PDIA3: variants seen among roughly 807,000 people sequenced by gnomAD.
PDIA3 encodes protein disulfide isomerase family A member 3, also known as protein disulfide-isomerase A3.
Under a neutral mutation model 56.9 loss-of-function variants are expected in PDIA3, and 16 were observed. That is an observed-to-expected ratio of 0.28 (90% CI 0.19 to 0.43). PDIA3 has a LOEUF of 0.43. Ranked by LOEUF, PDIA3 falls within the 20% of genes least tolerant of loss-of-function variation. PDIA3 has a pLI of 1.00. For synonymous variants in PDIA3, 192 were observed against 216.5 expected, an observed-to-expected ratio of 0.89 and a Z score of 0.99; for missense variants, 485 against 621.3, an observed-to-expected ratio of 0.78 and a Z score of 2.33.
At chr15:43,769,479 T>G (rs755920777) in intron 9 of PDIA3, 39 bp from the exon 10 acceptor site, 1 of 1,600,578 alleles carries the variant, frequency 6.2e-7, no homozygotes, top group East Asian at 2.2e-5. Context: ...GAATTTATTT[T>G]TTTATGTTAC....
chr15:43,746,530 C>T lies in PDIA3; in HGVS notation c.-10C>T, dbSNP rs935801849. On this transcript the variant is annotated 5_prime_UTR_variant, in exon 1 of 13. Transcript: ENST00000300289. ...GACCCTTCCGGCCGTCCCCACCCCA[C>T]CTCGCCGCCATGCGCCTCCGCCGCC... 7 of 1,588,552 alleles carry T rather than the reference C, an allele frequency of 4.4e-6. No homozygotes were observed. Among genetic ancestry groups the T allele is most frequent in the Non-Finnish European group, 6.0e-6 (7 of 1,170,152 alleles).
intron 8 of PDIA3, among the ~76,000 whole-genome samples, chr15:43,767,930 C>G (rs1321809013): frequency 6.6e-6 from 1 of 152,074 alleles, no homozygotes; most frequent in Admixed American, 6.6e-5. Flanking sequence ...GCCTGGGCAA[C>G]ATAGCAAGAC....
chr15:43,756,782 T>G lies in PDIA3; in HGVS notation c.364+16T>G, dbSNP rs2086781003. The stretch of plus-strand genomic sequence containing the variant: ...AGGACTGCTGGTAAGGATCCTGAAT[T>G]ACATTCTGGAAACTGATGTTAAGTA... On this transcript the variant is annotated intron_variant, in intron 3 of 12. Coordinates refer to ENST00000300289, the MANE Select transcript of PDIA3 (RefSeq NM_005313.5). The G allele has an allele frequency of 1.5e-6, 2 of 1,307,812 alleles. No individual in the cohort carries two copies. The highest frequency in any genetic ancestry group is 2.2e-6 in the Non-Finnish European group (2 of 906,724). 81.0% of individuals were successfully genotyped at this position (1,307,812 alleles called of 1,614,324 possible).
Position 43,771,773 on chromosome 15 carries a change from C to T in PDIA3, c.*555C>T, listed in dbSNP as rs920495169. 1 of 397,408 alleles carries T rather than the reference C, an allele frequency of 2.5e-6. No homozygotes were observed. The highest frequency in any genetic ancestry group is 4.4e-6 in the Non-Finnish European group (1 of 225,944). The allele number at this position is 397,408 out of a possible 1,614,324, so 24.6% of individuals were successfully genotyped here. ...CTGTAGACTGACTGGGTCCATAGTT[C>T]ATCACCTCAAAATTCTTTCAAAATT... On this transcript the variant is annotated 3_prime_UTR_variant, in exon 13 of 13. Transcript: ENST00000300289.
At chr15:43,770,500 T>TTAA (rs1253496501) in intron 11 of PDIA3, 23 bp from the exon 12 acceptor site, 1 of 1,591,486 alleles carries the variant, frequency 6.3e-7, no homozygotes, top group Admixed American at 1.7e-5. Context: ...CTGCTTGAAA[T>TTAA]TAATAAATGT....
At chr15:43,770,372 A>G in intron 11 of PDIA3, 43 bp downstream of exon 11, 1 of 1,520,928 alleles carries the variant, frequency 6.6e-7, no homozygotes, top group Non-Finnish European at 9.1e-7. Context: ...GGCAATAGAT[A>G]GGAATAAAGC....
At chr15:43,753,631 G>T (rs1314037253) in intron 1 of PDIA3, among the ~76,000 whole-genome samples, 193 bp from the exon 2 acceptor site, 6 of 152,122 alleles carry the variant, frequency 3.9e-5, no homozygotes, top group Non-Finnish European at 8.8e-5. Flanking sequence ...TCAGTCTAGG[G>T]GTAGGACCTT....
chr15:43,766,966 T>A (rs1021870740), intron 8 of PDIA3, 56 bp downstream of exon 8: 43 of 1,421,740 alleles, frequency 3.0e-5, no homozygotes, highest in Admixed American at 1.0e-4. Context: ...CCTTTTATAC[T>A]ACAAAGGATT....
At chr15:43,754,880 G>C (rs1421874428) in intron 2 of PDIA3, among the ~76,000 whole-genome samples, 1 of 151,886 alleles carries the variant, frequency 6.6e-6, no homozygotes, top group African/African-American at 2.4e-5. Flanking sequence ...GCTTAAGCCA[G>C]AGAGGTTGAG....
At chr15:43,749,082 T>G (rs1018942781) in intron 1 of PDIA3, among the ~76,000 whole-genome samples, 86 of 148,584 alleles carry the variant, frequency 5.8e-4, no homozygotes, top group African/African-American at 2.0e-3. Flanking sequence ...GTTTTTTTGT[T>G]TTTGTTTTGT....
chr15:43,763,199 A>T lies in PDIA3; in HGVS notation c.595A>T (p.Asn199Tyr), dbSNP rs147623347. The T allele has an allele frequency of 6.8e-6, 11 of 1,613,642 alleles. No individual in the cohort carries two copies. Among genetic ancestry groups the T allele is most frequent in the African/African-American group, 1.3e-5 (1 of 74,924 alleles). The change falls in exon 5 of 13, where the codon AAT (asparagine) becomes TAT (tyrosine). Residue 199 changes from asparagine (N) to tyrosine (Y), a missense_variant. Physicochemically the swap from Asn to Tyr is moderately radical, Grantham distance 143. Coordinates refer to ENST00000300289, the MANE Select transcript of PDIA3 (RefSeq NM_005313.5). ...VESLVNEYDD[N>Y]GEGIILFRPS... ...GTCTCTGGTGAACGAGTATGATGATAATGGAGAGTAAGTGACTGAGTTGAA... is the reference window on the plus strand; with the variant it reads ...GTCTCTGGTGAACGAGTATGATGATTATGGAGAGTAAGTGACTGAGTTGAA...
intron 1 of PDIA3, among the ~76,000 whole-genome samples, chr15:43,747,591 T>G (rs1424309845): frequency 6.6e-6 from 1 of 152,020 alleles, no homozygotes; most frequent in Non-Finnish European, 1.5e-5. Context: ...GTGTGTGTTT[T>G]TAAACCTCCA....
chr15:43,770,745 C>G (rs891340459), intron 12 of PDIA3, among the ~76,000 whole-genome samples, 165 bp downstream of exon 12: 1 of 152,052 alleles, frequency 6.6e-6, no homozygotes, highest in Admixed American at 6.6e-5. Context: ...CTCGGCTCAC[C>G]GTTCAAGCGA....
chr15:43,758,852 G>A (rs995608897), intron 3 of PDIA3, among the ~76,000 whole-genome samples: 4 of 151,360 alleles, frequency 2.6e-5, no homozygotes, highest in South Asian at 4.2e-4. Context: ...TGGTGCACAC[G>A]TGTAGTCCTA....
intron 11 of PDIA3, 91 bp from the exon 12 acceptor site, chr15:43,770,432 A>T: frequency 7.4e-7 from 1 of 1,350,662 alleles, no homozygotes; most frequent in Non-Finnish European, 1.1e-6. Context: ...TATTCAGTTG[A>T]AGGCAGAACC....
intron 2 of PDIA3, 38 bp from the exon 3 acceptor site, chr15:43,756,611 C>T (rs760715854): frequency 3.0e-5 from 35 of 1,184,076 alleles, no homozygotes; most frequent in Non-Finnish European, 2.5e-6. Context: ...GCAGCAGAAA[C>T]TTGGATAAGA....
intron 3 of PDIA3, among the ~76,000 whole-genome samples, chr15:43,758,525 G>A (rs1391102795): frequency 2.0e-5 from 3 of 151,684 alleles, no homozygotes; most frequent in Admixed American, 6.6e-5. Flanking sequence ...TGGGTGTGAT[G>A]CGCATACCTG....
rs779182621 is a variant in PDIA3 at position 43,771,120 on chromosome 15, A to G, written c.1420A>G (p.Ser474Gly). ...CTGTTTTCAGGGTGGCCGTGAATTA[A>G]GTGATTTTATTAGCTATCTACAAAG... ...PKKYEGGREL[S>G]DFISYLQREA... Residue 474 changes from serine to glycine, a missense_variant, in exon 13 of 13, where the codon AGT (serine) becomes GGT (glycine). Coordinates refer to ENST00000300289, the MANE Select transcript of PDIA3 (RefSeq NM_005313.5). 10 of 1,612,034 alleles carry G rather than the reference A, an allele frequency of 6.2e-6. No homozygotes were observed. The highest frequency in any genetic ancestry group is 7.6e-6 in the Non-Finnish European group (9 of 1,178,712).
intron 1 of PDIA3, among the ~76,000 whole-genome samples, chr15:43,749,416 G>C (rs1173707881): frequency 1.3e-5 from 2 of 152,100 alleles, no homozygotes; most frequent in Non-Finnish European, 1.5e-5. Flanking sequence ...TAACATTTCA[G>C]CTGGAAATGT....
Sources: allele counts gnomAD v4.1 joint callset (sites outside exome capture counted in the v4.1 genomes callset), GRCh38; gene constraint gnomAD v4.1.1; transcripts MANE v1.5; gene names NCBI Gene and HGNC (gene_info 2026-07-23, HGNC 2026-07-21).